The following FAM107B variants were observed in gnomAD, a reference collection of about 807,000 sequenced individuals.
The protein encoded by FAM107B is protein FAM107B.
Under a neutral mutation model 31.5 loss-of-function variants are expected in FAM107B, and 21 were observed. The observed-to-expected ratio is 0.67, with a 90% CI of 0.47 to 0.96. The LOEUF is 0.96. FAM107B is among the 40% of genes least tolerant of loss of function. The probability of loss-of-function intolerance (pLI) is 0.00; values close to 1 mark genes in which losing one functional copy is unlikely to be tolerated. For synonymous variants in FAM107B, 157 were observed against 141.5 expected (o/e 1.11, Z -0.78); for missense variants, 452 against 377.1 (o/e 1.20, Z -1.64).
chr10:14,626,348 G>A (rs1251202934), intron 2 of FAM107B, among the ~76,000 whole-genome samples: 1 of 152,094 alleles, frequency 6.6e-6, no homozygotes, highest in Non-Finnish European at 1.5e-5. Flanking sequence ...CAGTCAGACT[G>A]TGCAATTGTC....
chr10:14,578,264 G>C (rs1851525943), intron 2 of FAM107B, among the ~76,000 whole-genome samples: 2 of 152,192 alleles, frequency 1.3e-5, no homozygotes, highest in Admixed American at 1.3e-4. Context: ...CCTGGATGCT[G>C]GATCCTTCAT....
chr10:14,640,867 A>T (rs2131431852), intron 2 of FAM107B, among the ~76,000 whole-genome samples: 1 of 152,304 alleles, frequency 6.6e-6, no homozygotes, highest in East Asian at 1.9e-4. Flanking sequence ...CTTCAAGGGG[A>T]CTGCCCAATT....
chr10:14,573,546 C>CCTAGACAACCA, intron 2 of FAM107B, among the ~76,000 whole-genome samples: 1 of 135,338 alleles, frequency 7.4e-6, no homozygotes, highest in Non-Finnish European at 1.6e-5. Context: ...AGACAACCAA[C>CCTAGACAACCA]ATGGTGAAAC....
chr10:14,637,889 T>C (rs371568455), intron 2 of FAM107B, among the ~76,000 whole-genome samples: 18 of 152,238 alleles, frequency 1.2e-4, no homozygotes, highest in African/African-American at 4.3e-4. Context: ...CAAGAGTGGA[T>C]TCCTCTCCAG....
chr10:14,534,147 G>GTCTGAGTTAA (rs1470130477), intron 2 of FAM107B, among the ~76,000 whole-genome samples: 2 of 152,152 alleles, frequency 1.3e-5, no homozygotes, highest in Admixed American at 1.3e-4. Flanking sequence ...GAGCCTCTCA[G>GTCTGAGTTAA]TCTGAGTTAA....
At chr10:14,551,488 G>A (rs1849258028) in intron 2 of FAM107B, among the ~76,000 whole-genome samples, 1 of 151,914 alleles carries the variant, frequency 6.6e-6, no homozygotes, top group South Asian at 2.1e-4. Flanking sequence ...CCAATTATTT[G>A]TGAGTATACT....
intron 2 of FAM107B, among the ~76,000 whole-genome samples, chr10:14,547,963 C>G (rs1006262053): frequency 6.6e-6 from 1 of 152,236 alleles, no homozygotes; most frequent in Non-Finnish European, 1.5e-5. Flanking sequence ...ATTTCCATGG[C>G]CCCGGCCCTT....
chr10:14,561,469 G>A (rs1198887329), intron 2 of FAM107B, among the ~76,000 whole-genome samples: 1 of 152,202 alleles, frequency 6.6e-6, no homozygotes, highest in East Asian at 1.9e-4. Flanking sequence ...TGGGCAGACG[G>A]AGCAGCAAAC....
chr10:14,538,265 A>C (rs546841274), intron 2 of FAM107B, among the ~76,000 whole-genome samples: 43 of 152,344 alleles, frequency 2.8e-4, no homozygotes, highest in Middle Eastern at 3.4e-3. Context: ...TTTTATAAGA[A>C]TGTTAATGGC....
intron 1 of FAM107B, among the ~76,000 whole-genome samples, chr10:14,769,467 C>G (rs536054893): frequency 1.3e-5 from 2 of 152,314 alleles, no homozygotes; most frequent in South Asian, 2.1e-4. Flanking sequence ...TCACTGCAAC[C>G]TCAGCCTCCA....
chr10:14,561,836 G>C (rs1850270020), intron 2 of FAM107B, among the ~76,000 whole-genome samples: 1 of 152,178 alleles, frequency 6.6e-6, no homozygotes, highest in African/African-American at 2.4e-5. Flanking sequence ...CCAGGCTGGA[G>C]TGCAGTGGCA....
chr10:14,644,041 A>T (rs752483958), intron 2 of FAM107B, among the ~76,000 whole-genome samples: 1 of 152,230 alleles, frequency 6.6e-6, no homozygotes, highest in Non-Finnish European at 1.5e-5. Context: ...ACCAGTAATG[A>T]GAAGGAGACA....
chr10:14,633,764 T>C (rs941554146), intron 2 of FAM107B, among the ~76,000 whole-genome samples: 2 of 152,218 alleles, frequency 1.3e-5, no homozygotes, highest in African/African-American at 2.4e-5. Flanking sequence ...TGACAACTTT[T>C]TTTCATAAGG....
intron 1 of FAM107B, among the ~76,000 whole-genome samples, chr10:14,742,057 G>A (rs1053427352): frequency 2.0e-5 from 3 of 151,952 alleles, no homozygotes; most frequent in African/African-American, 7.3e-5. Flanking sequence ...GAATTAACAA[G>A]TGCTACAGAA....
At chr10:14,556,921 T>C (rs1849756206) in intron 2 of FAM107B, among the ~76,000 whole-genome samples, 1 of 152,176 alleles carries the variant, frequency 6.6e-6, no homozygotes, top group Admixed American at 6.5e-5. Flanking sequence ...CTCCGCCACC[T>C]TGCTCCCTGC....
At chr10:14,572,761 T>TGTATATATATATATATATATATA (rs1466825381) in intron 2 of FAM107B, among the ~76,000 whole-genome samples, 7 of 76,038 alleles carry the variant, frequency 9.2e-5, no homozygotes, top group South Asian at 3.9e-4. Context: ...ATATATATAT[T>TGTATATATATATATATATATATA]AGAGTGTGTG....
At chr10:14,627,484 A>C (rs529771148) in intron 2 of FAM107B, among the ~76,000 whole-genome samples, 2 of 152,362 alleles carry the variant, frequency 1.3e-5, no homozygotes, top group South Asian at 4.1e-4. Flanking sequence ...AAAAGAATAC[A>C]GAGGTGAGGC....
chr10:14,535,001 C>G (rs1010215980), intron 2 of FAM107B: 1 of 152,190 alleles, frequency 6.6e-6, no homozygotes, highest in Non-Finnish European at 1.5e-5. Context: ...GGTACATTTC[C>G]TCTCTGAGCA....
chr10:14,554,775 A>G (rs1433287220), intron 2 of FAM107B, among the ~76,000 whole-genome samples: 2 of 152,208 alleles, frequency 1.3e-5, no homozygotes, highest in African/African-American at 2.4e-5. Context: ...GACAAATGCT[A>G]TCCCCTCCAA....
Sources: gnomAD v4.1 joint callset for allele counts (sites outside exome capture counted in the v4.1 genomes callset) on GRCh38, gnomAD v4.1.1 for gene constraint, MANE v1.5 for transcripts, NCBI Gene and HGNC (gene_info 2026-07-23, HGNC 2026-07-21) for gene names.